The following PCNX2 variants were observed in gnomAD, a reference collection of about 807,000 sequenced individuals.
PCNX2 encodes the protein pecanex 2.
A neutral mutation model predicts 223.8 loss-of-function variants in PCNX2; 168 were observed. The ratio of observed to expected loss-of-function variants is 0.75; its 90% CI spans 0.66 to 0.85. The LOEUF is 0.85. PCNX2 is among the 40% of genes least tolerant of loss of function. The probability of loss-of-function intolerance (pLI) is 0.00; values close to 1 mark genes in which losing one functional copy is unlikely to be tolerated. For missense variants in PCNX2, 2,507 were observed against 2,675.5 expected (o/e 0.94, Z 1.39); for synonymous variants, 1,006 against 1,052.6 (o/e 0.96, Z 0.86).
In PCNX2 at chr1:233,179,306, C is replaced by G. The variant is rs1052746469; in HGVS notation, c.3067-131G>C. 4.3e-6 allele frequency: 4 copies of G among 940,248 alleles called. No individual in the cohort carries two copies. The Admixed American group carries it at 9.2e-5, about 22-fold the overall frequency. The allele number at this position is 940,248 out of a possible 1,614,324, so 58.2% of individuals were successfully genotyped here. A position where few individuals can be genotyped will look rare whatever the true frequency, so the allele number is the denominator to read the frequency against. The stretch of plus-strand genomic sequence containing the variant: ...TTATTCCCATGATTATTCCTGCCCA[C>G]GGACATATAAGCATCTGGTGGGCAC... On this transcript the variant is annotated intron_variant, in intron 15 of 33. Transcript: ENST00000258229.
Position 233,184,289 on chromosome 1 carries a change from C to T in PCNX2, c.3067-5114G>A, listed in dbSNP as rs116014219. On this transcript the variant is annotated intron_variant, in intron 15 of 33. Transcript: ENST00000258229. The stretch of plus-strand genomic sequence containing the variant: ...AGAAGTTGGTTCCAGGCTCACTCAT[C>T]GTTGAAATGAATTGTTCTGTGGAAG... Among the ~76,000 whole-genome samples, 1,336 of 150,908 alleles carry T rather than the reference C, an allele frequency of 8.9e-3. 24 individuals are homozygous for T. Among genetic ancestry groups the T allele is most frequent in the African/African-American group, 0.031 (1,279 of 41,084 alleles).
rs796445273 is a variant in PCNX2 at position 233,139,113 on chromosome 1, C to T, written c.3659+601G>A. On this transcript the variant is annotated intron_variant, in intron 20 of 33. Coordinates refer to ENST00000258229, the MANE Select transcript of PCNX2 (RefSeq NM_014801.4). The surrounding 1 kb of genome is among the most constrained non-coding windows in gnomAD (Gnocchi z 4.4). ...GCCTTTCATCAGAATGACAAATCTACAGATTATCAAGGAGATTTCCATGTT... is the reference window on the plus strand; with the variant it reads ...GCCTTTCATCAGAATGACAAATCTATAGATTATCAAGGAGATTTCCATGTT... Among the ~76,000 whole-genome samples the T allele has an allele frequency of 4.6e-5, 7 of 152,288 alleles. No individual in the cohort carries two copies. Among genetic ancestry groups the T allele is most frequent in the African/African-American group, 1.4e-4 (6 of 41,560 alleles).
intron 23 of PCNX2, among the ~76,000 whole-genome samples, chr1:233,084,572 C>G (rs1673509320): frequency 6.6e-6 from 1 of 152,144 alleles, no homozygotes; most frequent in African/African-American, 2.4e-5. Flanking sequence ...TCTGACATAT[C>G]AAAACAAAAT....
At chr1:233,154,930 A>G (rs1182776705) in intron 19 of PCNX2, among the ~76,000 whole-genome samples, 1 of 152,126 alleles carries the variant, frequency 6.6e-6, no homozygotes, top group South Asian at 2.1e-4. Context: ...TTAGCAGGGT[A>G]TAGTAGCACA....
At position 232,983,520 on chromosome 1, in the gene PCNX2, C is replaced by T. The variant is rs990217164; in HGVS notation, c.*784G>A. The T allele has an allele frequency of 5.9e-5, 9 of 152,218 alleles. No homozygotes were observed. Among genetic ancestry groups the T allele is most frequent in the East Asian group, 1.9e-4 (1 of 5,204 alleles). The allele number at this position is 152,218 out of a possible 1,614,324, so 9.4% of individuals were successfully genotyped here. On this transcript the variant is annotated 3_prime_UTR_variant, in exon 34 of 34. Coordinates refer to ENST00000258229, the MANE Select transcript of PCNX2 (RefSeq NM_014801.4). ...GGTTGCGGGGCTTGGAGAACAAGCA[C>T]GCGTCCCTGTGAAGCCCGCAGGGTG... is the stretch of plus-strand genomic sequence containing the variant.
At chr1:233,103,810 T>C (rs1674623525) in intron 21 of PCNX2, among the ~76,000 whole-genome samples, 1 of 152,166 alleles carries the variant, frequency 6.6e-6, no homozygotes, top group African/African-American at 2.4e-5. Flanking sequence ...AGCAGTGGGA[T>C]TGCTGGATCA....
intron 19 of PCNX2, among the ~76,000 whole-genome samples, chr1:233,157,095 G>A (rs565007220): frequency 1.3e-5 from 2 of 152,132 alleles, no homozygotes; most frequent in African/African-American, 4.8e-5. Flanking sequence ...ATCAAATCAG[G>A]GAAGCCTGGT....
chr1:233,294,228 ACTAT>A (rs1034789434), intron 1 of PCNX2, among the ~76,000 whole-genome samples: 5 of 152,218 alleles, frequency 3.3e-5, no homozygotes, highest in Non-Finnish European at 7.3e-5. Flanking sequence ...CTTTATATGT[ACTAT>A]CTCATTTAAT....
intron 22 of PCNX2, 39 bp downstream of exon 22, chr1:233,095,716 A>G (rs1417995245): frequency 6.7e-7 from 1 of 1,492,160 alleles, no homozygotes; most frequent in East Asian, 2.4e-5. Flanking sequence ...TAAAATGTGA[A>G]TCTCAGCTGG....
At chr1:233,158,027 A>G (rs1678233690) in intron 19 of PCNX2, among the ~76,000 whole-genome samples, 1 of 152,100 alleles carries the variant, frequency 6.6e-6, no homozygotes, top group African/African-American at 2.4e-5. Context: ...TCATCCTCCG[A>G]GAGGGGAAGT....
rs186399003 is a variant in PCNX2, at chr1:233,131,149, G to C, written c.3837+3864C>G. Among the ~76,000 whole-genome samples, 56 of 152,296 alleles carry C rather than the reference G, an allele frequency of 3.7e-4. 1 individual carries two copies. Among genetic ancestry groups the C allele is most frequent in the Middle Eastern group, 3.4e-3 (1 of 294 alleles). On this transcript the variant is annotated intron_variant, in intron 21 of 33. Transcript: ENST00000258229. ...GCCCTTCTGTGAGGGGGGCTGCCAGGCTAACAATAATTCTCTATTTAGTGA... is the reference window on the plus strand; with the variant it reads ...GCCCTTCTGTGAGGGGGGCTGCCAGCCTAACAATAATTCTCTATTTAGTGA...
intron 25 of PCNX2, among the ~76,000 whole-genome samples, chr1:233,044,947 G>C (rs1671776587): frequency 6.6e-6 from 1 of 152,152 alleles, no homozygotes; most frequent in Non-Finnish European, 1.5e-5. Context: ...AGGATTACAG[G>C]CATGAGCCAC....
intron 15 of PCNX2, among the ~76,000 whole-genome samples, chr1:233,191,508 G>A (rs927232092): frequency 3.9e-5 from 6 of 152,164 alleles, no homozygotes. Flanking sequence ...CTCATTAAGT[G>A]TCCAATAAAA....
At chr1:233,115,445 A>T (rs1029590753) in intron 21 of PCNX2, among the ~76,000 whole-genome samples, 2 of 152,196 alleles carry the variant, frequency 1.3e-5, no homozygotes, top group Non-Finnish European at 2.9e-5. Flanking sequence ...AAAAATCTAA[A>T]GCCTCTGAGA....
At chr1:233,020,117 A>C (rs1670828441) in intron 26 of PCNX2, among the ~76,000 whole-genome samples, 1 of 152,212 alleles carries the variant, frequency 6.6e-6, no homozygotes, top group Admixed American at 6.5e-5. Flanking sequence ...ACAACCGATG[A>C]AGTCAGAATA....
chr1:233,129,368 C>A (rs1676307712), intron 21 of PCNX2, among the ~76,000 whole-genome samples: 1 of 152,164 alleles, frequency 6.6e-6, no homozygotes, highest in African/African-American at 2.4e-5. Context: ...GACCTGCAGC[C>A]CGCCATGCCT....
At chr1:233,184,632 T>TA (rs948105459) in intron 15 of PCNX2, among the ~76,000 whole-genome samples, 6 of 152,208 alleles carry the variant, frequency 3.9e-5, no homozygotes, top group African/African-American at 1.2e-4. Flanking sequence ...GGACAGCTGT[T>TA]ACACTCCTGG....
chr1:232,999,086 A>G lies in PCNX2; in HGVS notation c.5603+19T>C. ...CTTCCCCCAGCATCTGGACAGAGGC[A>G]TTTGTTGTAAAAACTTACCTTACCC... On this transcript the variant is annotated intron_variant, in intron 31 of 33. Transcript: ENST00000258229. 6.3e-7 allele frequency: 1 copy of G among 1,585,626 alleles called. No homozygotes were observed. The highest frequency in any genetic ancestry group is 1.3e-5 in the African/African-American group (1 of 74,522).
intron 10 of PCNX2, among the ~76,000 whole-genome samples, chr1:233,222,826 G>A (rs553030196): frequency 6.6e-6 from 1 of 152,192 alleles, no homozygotes; most frequent in African/African-American, 2.4e-5. Flanking sequence ...AGTGGAGCAG[G>A]CTTGGGTGAG....
Sources: allele counts gnomAD v4.1 joint callset (sites outside exome capture counted in the v4.1 genomes callset), GRCh38; gene constraint gnomAD v4.1.1; non-coding constraint Gnocchi (gnomAD v3.1); transcripts MANE v1.5; gene names NCBI Gene and HGNC (gene_info 2026-07-23, HGNC 2026-07-21).